The following CPS1 variants were observed in gnomAD, a reference collection of about 807,000 sequenced individuals.
CPS1 encodes the protein carbamoyl-phosphate synthase 1.
Under a neutral mutation model 174.6 loss-of-function variants are expected in CPS1, and 109 were observed. That is an observed-to-expected ratio of 0.62 (90% confidence interval 0.53 to 0.73). The LOEUF is 0.73. CPS1 is among the 30% of genes least tolerant of loss of function. The pLI, the probability that CPS1 is intolerant of heterozygous loss-of-function variation, is 0.00. For synonymous variants in CPS1, 637 were observed against 632.0 expected, an observed-to-expected ratio of 1.01 and a Z score of -0.12; for missense variants, 1,689 against 1,821.9, an observed-to-expected ratio of 0.93 and a Z score of 1.33.
At position 210,513,006 on chromosome 2, in the gene CPS1, A is replaced by C. The variant is rs1463180070; in HGVS notation, c.3+35240A>C. Reference sequence around the variant, plus strand: ...TGGAGAGATATATATATGGAGATATATATATATCTATATATCTATATATTT... The same window carrying C: ...TGGAGAGATATATATATGGAGATATCTATATATCTATATATCTATATATTT... On this transcript the variant is annotated intron_variant, in intron 1 of 38. Transcript: ENST00000430249. 6.0e-4 allele frequency among the ~76,000 whole-genome samples: 15 copies of C among 24,828 alleles called. 3 individuals carry two copies. The highest frequency in any genetic ancestry group is 2.5e-3 in the South Asian group (1 of 402). The allele number at this position is 24,828 out of a possible 152,430, so 16.3% of individuals were successfully genotyped here.
intron 1 of CPS1, among the ~76,000 whole-genome samples, chr2:210,519,180 C>T (rs942672884): frequency 6.6e-6 from 1 of 151,916 alleles, no homozygotes; most frequent in Non-Finnish European, 1.5e-5. Flanking sequence ...TTAATTTTGC[C>T]TTATCAGAGT....
intron 5 of CPS1, 37 bp downstream of exon 5, chr2:210,579,807 C>CGGGT: frequency 6.6e-7 from 1 of 1,508,242 alleles, no homozygotes; most frequent in Non-Finnish European, 9.1e-7. Context: ...TATGTTTCTT[C>CGGGT]GGGTGTGTGT....
intron 6 of CPS1, 46 bp from the exon 7 acceptor site, chr2:210,588,012 C>A: frequency 6.4e-7 from 1 of 1,563,978 alleles, no homozygotes; most frequent in South Asian, 1.1e-5. Context: ...GGTCTGTTGC[C>A]CATAGCTGGG....
intron 25 of CPS1, among the ~76,000 whole-genome samples, 160 bp from the exon 26 acceptor site, chr2:210,647,703 A>T (rs1483833515): frequency 6.6e-6 from 1 of 152,208 alleles, no homozygotes; most frequent in African/African-American, 2.4e-5. Flanking sequence ...CAGAAAGTAA[A>T]AATTTTGTGG....
At chr2:210,535,907 G>A (rs947148728) in intron 1 of CPS1, among the ~76,000 whole-genome samples, 23 of 139,216 alleles carry the variant, frequency 1.7e-4, no homozygotes, top group Non-Finnish European at 3.0e-4. Context: ...GCTTTTCCAA[G>A]TCAGATTGCT....
At chr2:210,552,745 A>G (rs1374545891), upstream of CPS1, among the ~76,000 whole-genome samples, 1 of 152,008 alleles carries the variant, frequency 6.6e-6, no homozygotes, top group Non-Finnish European at 1.5e-5. Flanking sequence ...ACAGGCTGTC[A>G]GTGTTTCTTT....
At chr2:210,608,808 G>GT (rs1699015330) in intron 19 of CPS1, among the ~76,000 whole-genome samples, 1 of 151,830 alleles carries the variant, frequency 6.6e-6, no homozygotes, top group Admixed American at 6.6e-5. Flanking sequence ...TATTCAAAAG[G>GT]TGAGGCCATA....
intron 36 of CPS1, among the ~76,000 whole-genome samples, chr2:210,676,220 A>T (rs1401498492): frequency 6.6e-6 from 1 of 152,222 alleles, no homozygotes; most frequent in Non-Finnish European, 1.5e-5. Context: ...TTTGTTGAGC[A>T]CTTACTACAT....
intron 34 of CPS1, chr2:210,673,332 A>G (rs1241677684): frequency 6.6e-6 from 1 of 152,186 alleles, no homozygotes; most frequent in East Asian, 1.9e-4. Flanking sequence ...GTTTTCTTTC[A>G]TTCTGACCAC....
intron 1 of CPS1, among the ~76,000 whole-genome samples, chr2:210,543,197 T>A (rs1400401368): frequency 2.6e-5 from 4 of 152,206 alleles, no homozygotes; most frequent in Non-Finnish European, 4.4e-5. Flanking sequence ...TCACGTTGCA[T>A]GCAGTGCATC....
chr2:210,675,405 A>G (rs1439040579), intron 35 of CPS1, among the ~76,000 whole-genome samples: 1 of 152,220 alleles, frequency 6.6e-6, no homozygotes, highest in Non-Finnish European at 1.5e-5. Flanking sequence ...TGACCTGCTA[A>G]CAAGGAATTA....
At chr2:210,663,357 A>G (rs1376946043) in intron 33 of CPS1, among the ~76,000 whole-genome samples, 160 bp downstream of exon 33, 2 of 152,202 alleles carry the variant, frequency 1.3e-5, no homozygotes, top group East Asian at 3.8e-4. Flanking sequence ...TTTTACTTCT[A>G]TTTTGAATAG....
At chr2:210,671,903 G>A (rs1701317912) in intron 34 of CPS1, 1 of 152,098 alleles carries the variant, frequency 6.6e-6, no homozygotes, top group African/African-American at 2.4e-5. Context: ...TTACATTCTA[G>A]TACTCCTCCC....
intron 1 of CPS1, among the ~76,000 whole-genome samples, chr2:210,496,507 G>A (rs965873272): frequency 6.6e-6 from 1 of 152,190 alleles, no homozygotes; most frequent in Admixed American, 6.5e-5. Flanking sequence ...CTGGATGTCA[G>A]CAGATCATGT....
intron 1 of CPS1, among the ~76,000 whole-genome samples, chr2:210,545,251 G>A (rs1696530720): frequency 6.6e-6 from 1 of 151,990 alleles, no homozygotes; most frequent in Non-Finnish European, 1.5e-5. Context: ...ATTTTGATGT[G>A]GCTCATCTTT....
intron 34 of CPS1, chr2:210,673,023 A>G (rs1305568226): frequency 1.3e-5 from 2 of 152,204 alleles, no homozygotes; most frequent in Non-Finnish European, 2.9e-5. Context: ...TGCAAGGATC[A>G]CATGTGTTTT....
chr2:210,616,794 G>A (rs921019363), intron 21 of CPS1, among the ~76,000 whole-genome samples: 2 of 151,246 alleles, frequency 1.3e-5, no homozygotes, highest in Non-Finnish European at 1.5e-5. Context: ...ATAGTAATAA[G>A]GTCTTTTGAA....
At chr2:210,499,937 A>G (rs1695098273) in intron 1 of CPS1, among the ~76,000 whole-genome samples, 1 of 152,056 alleles carries the variant, frequency 6.6e-6, no homozygotes, top group African/African-American at 2.4e-5. Flanking sequence ...AATTCCCAAG[A>G]CTGGATAATT....
At chr2:210,570,936 C>T (rs960779261) in intron 1 of CPS1, among the ~76,000 whole-genome samples, 3 of 151,884 alleles carry the variant, frequency 2.0e-5, no homozygotes, top group African/African-American at 7.2e-5. Flanking sequence ...ACACTGAATA[C>T]TATCACTCTT....
Sources: gnomAD v4.1 joint callset for allele counts (sites outside exome capture counted in the v4.1 genomes callset) on GRCh38, gnomAD v4.1.1 for gene constraint, MANE v1.5 for transcripts, NCBI Gene and HGNC (gene_info 2026-07-23, HGNC 2026-07-21) for gene names.